MATN2: variants seen among roughly 807,000 people sequenced by gnomAD.
MATN2 encodes matrilin 2.
In MATN2, 69 loss-of-function variants were observed where a neutral mutation model predicts 103.2. The ratio of observed to expected loss-of-function variants is 0.67; its 90% confidence interval spans 0.55 to 0.82. The LOEUF is 0.82. Among genes scored for constraint, MATN2 ranks in the 40% least tolerant of loss-of-function variants. MATN2 has a pLI of 0.00. For synonymous variants in MATN2, 429 were observed against 450.2 expected, an observed-to-expected ratio of 0.95 and a Z score of 0.60; for missense variants, 1,023 against 1,211.5, an observed-to-expected ratio of 0.84 and a Z score of 2.31.
intron 2 of MATN2, among the ~76,000 whole-genome samples, chr8:97,902,196 A>G (rs1404670009): frequency 2.0e-5 from 3 of 151,256 alleles, no homozygotes; most frequent in East Asian, 1.9e-4. Context: ...TTTTTTTAAC[A>G]AAAAGTACAC....
At chr8:97,900,176 G>C (rs1382744538) in intron 2 of MATN2, among the ~76,000 whole-genome samples, 2 of 152,212 alleles carry the variant, frequency 1.3e-5, no homozygotes, top group African/African-American at 2.4e-5. Flanking sequence ...ATGAAAGGAG[G>C]ACAATGTGTA....
Position 97,948,224 on chromosome 8 carries a change from T to C in MATN2, c.835+6325T>C, listed in dbSNP as rs190220434. ...GACAGAACGTTGCCTTGTTTGACCT[T>C]ACCTGGGAATATGTGTCCTGGGTGA... On this transcript the variant is annotated intron_variant, in intron 4 of 18. Transcript: ENST00000254898. 2.7e-3 allele frequency among the ~76,000 whole-genome samples: 408 copies of C among 152,296 alleles called. 3 individuals are homozygous for C. Among genetic ancestry groups the C allele is most frequent in the African/African-American group, 9.6e-3 (400 of 41,560 alleles).
At chr8:97,992,452 TAATAC>T (rs1211263056) in intron 6 of MATN2, among the ~76,000 whole-genome samples, 1 of 152,102 alleles carries the variant, frequency 6.6e-6, no homozygotes, top group South Asian at 2.1e-4. Flanking sequence ...ATGGACAAAA[TAATAC>T]AATGTCTGGG....
chr8:97,996,761 G>A (rs1812601301), intron 7 of MATN2, among the ~76,000 whole-genome samples: 1 of 152,100 alleles, frequency 6.6e-6, no homozygotes, highest in African/African-American at 2.4e-5. Flanking sequence ...GTGGATGAAG[G>A]AAGCCAAGAA....
At chr8:97,877,510 G>A (rs1818118180) in intron 1 of MATN2, among the ~76,000 whole-genome samples, 1 of 148,906 alleles carries the variant, frequency 6.7e-6, no homozygotes, top group South Asian at 2.1e-4. Flanking sequence ...TTGTAGAGAT[G>A]AAGTCTCACT....
chr8:97,875,897 G>A (rs1026690430), intron 1 of MATN2, among the ~76,000 whole-genome samples: 2 of 151,618 alleles, frequency 1.3e-5, no homozygotes, highest in East Asian at 1.9e-4. Context: ...GGGTTTCACC[G>A]TGTTAGCCAG....
Position 97,917,300 on chromosome 8 carries a change from A to G in MATN2, c.143-13653A>G, listed in dbSNP as rs114791582. ...CACACTCACCTGTCTCTGCTCTGCA[A>G]ATGCCCTTCTTGGTAGTAGCTTGTT... On this transcript the variant is annotated intron_variant, in intron 2 of 18. Transcript: ENST00000254898. Among the ~76,000 whole-genome samples the G allele has an allele frequency of 5.4e-3, 828 of 152,294 alleles. 7 individuals are homozygous for G. The highest frequency in any genetic ancestry group is 0.019 in the African/African-American group (775 of 41,560).
chr8:97,967,606 A>G (rs955416317), intron 5 of MATN2, among the ~76,000 whole-genome samples: 1 of 152,238 alleles, frequency 6.6e-6, no homozygotes, highest in African/African-American at 2.4e-5. Flanking sequence ...ACTCCAAAAC[A>G]ATCTCCTTTG....
intron 7 of MATN2, among the ~76,000 whole-genome samples, chr8:98,001,223 A>G (rs1283655840): frequency 6.6e-6 from 1 of 152,204 alleles, no homozygotes; most frequent in Non-Finnish European, 1.5e-5. Context: ...TTTTTACCTG[A>G]CAAGTCCAAA....
At chr8:97,886,167 G>A (rs573605476) in intron 1 of MATN2, among the ~76,000 whole-genome samples, 17 of 151,980 alleles carry the variant, frequency 1.1e-4, no homozygotes, top group East Asian at 3.9e-4. Context: ...ACTGTCTCCC[G>A]TCACTCCCAG....
chr8:97,974,604 G>A lies in MATN2; in HGVS notation c.959-4282G>A, dbSNP rs576508779. ...TGGGATTACAGGCGCCTGCCACCAC[G>A]CCCAGCTACTTTTTATATTTTTAGT... is the stretch of plus-strand genomic sequence containing the variant. On this transcript the variant is annotated intron_variant, in intron 5 of 18. Coordinates refer to ENST00000254898, the MANE Select transcript of MATN2 (RefSeq NM_002380.5). 3.1e-3 allele frequency among the ~76,000 whole-genome samples: 468 copies of A among 150,276 alleles called. 1 individual carries two copies. The highest frequency in any genetic ancestry group is 9.2e-3 in the African/African-American group (373 of 40,714).
chr8:97,882,499 T>G (rs1020268667), intron 1 of MATN2, among the ~76,000 whole-genome samples: 2 of 151,902 alleles, frequency 1.3e-5, no homozygotes, highest in South Asian at 2.1e-4. Context: ...CTCAAGCGAT[T>G]CTCCCACCTC....
At chr8:97,960,878 G>A (rs561401150) in intron 4 of MATN2, among the ~76,000 whole-genome samples, 6 of 152,140 alleles carry the variant, frequency 3.9e-5, no homozygotes, top group African/African-American at 7.2e-5. Flanking sequence ...GCAATGGCAC[G>A]ATCTTGGCTC....
intron 5 of MATN2, 145 bp from the exon 6 acceptor site, chr8:97,978,741 C>A: frequency 1.3e-6 from 1 of 748,508 alleles, no homozygotes. Context: ...GGGCAGAGAC[C>A]TTGGGTTCAT....
chr8:97,964,168 G>T (rs1415702607), intron 5 of MATN2, among the ~76,000 whole-genome samples: 1 of 152,186 alleles, frequency 6.6e-6, no homozygotes, highest in Non-Finnish European at 1.5e-5. Flanking sequence ...CTGGGAGCTG[G>T]TAGGTCAGAG....
intron 4 of MATN2, among the ~76,000 whole-genome samples, chr8:97,945,679 A>C (rs1810722655): frequency 6.8e-6 from 1 of 146,790 alleles, no homozygotes; most frequent in Non-Finnish European, 1.5e-5. Context: ...AACTGCCTTC[A>C]AATACACACA....
In MATN2 at chr8:98,003,783, C is replaced by T. The variant is rs1399337651; in HGVS notation, c.1327C>T (p.Arg443Ter). 6.2e-7 allele frequency: 1 copy of T among 1,613,244 alleles called. No individual in the cohort carries two copies. The highest frequency in any genetic ancestry group is 1.7e-5 in the Admixed American group (1 of 59,996). Residue 443 changes from arginine (R) to a stop codon, truncating the protein, a stop_gained and splice_region_variant, in exon 8 of 19, where the codon CGA becomes TGA. Coordinates refer to ENST00000254898, the MANE Select transcript of MATN2 (RefSeq NM_002380.5). LOFTEE classifies it high-confidence loss of function. ...TLDPNGKTCS[R>*]VDHCAQQDHG... The stretch of plus-strand genomic sequence containing the variant: ...GGACCCCAATGGCAAAACCTGCAGC[C>T]GTGAGTGTACCCTAGGGGTGGGGTG...
intron 7 of MATN2, among the ~76,000 whole-genome samples, chr8:97,997,415 T>C (rs1812622858): frequency 6.6e-6 from 1 of 152,238 alleles, no homozygotes; most frequent in Middle Eastern, 3.2e-3. Context: ...TGAAACTTAC[T>C]ATCTGTGCAC....
chr8:97,877,711 T>C (rs530911831), intron 1 of MATN2, among the ~76,000 whole-genome samples: 1 of 152,286 alleles, frequency 6.6e-6, no homozygotes, highest in East Asian at 1.9e-4. Flanking sequence ...GGGAAGATTG[T>C]ATTTAGCACT....
Sources: gnomAD v4.1 joint callset for allele counts (sites outside exome capture counted in the v4.1 genomes callset) on GRCh38, gnomAD v4.1.1 for gene constraint, MANE v1.5 for transcripts, NCBI Gene and HGNC (gene_info 2026-07-23, HGNC 2026-07-21) for gene names.